The following ENPEP variants were observed in gnomAD, a reference collection of about 807,000 sequenced individuals.
ENPEP encodes the protein AP-A.
In ENPEP, 103 loss-of-function variants were observed where a neutral mutation model predicts 114.5. The ratio of observed to expected loss-of-function variants is 0.90; its 90% CI spans 0.77 to 1.06. The LOEUF (loss-of-function observed/expected upper bound fraction) is 1.06. Among genes scored for constraint, ENPEP ranks in the 50% least tolerant of loss-of-function variants. ENPEP has a pLI of 0.00. For synonymous variants in ENPEP, 420 were observed against 422.0 expected, an observed-to-expected ratio of 1.00 and a Z score of 0.06; for missense variants, 1,196 against 1,161.3, an observed-to-expected ratio of 1.03 and a Z score of -0.43.
chr4:110,500,184 T>A (rs972323446), intron 3 of ENPEP: 5 of 152,202 alleles, frequency 3.3e-5, no homozygotes, highest in African/African-American at 1.2e-4. Context: ...AGGAATCGAT[T>A]CTCATGGACT....
chr4:110,523,543 G>A (rs769406129), intron 10 of ENPEP, among the ~76,000 whole-genome samples: 9 of 152,290 alleles, frequency 5.9e-5, no homozygotes, highest in Admixed American at 3.3e-4. Flanking sequence ...GGACCATGGT[G>A]TAAGAAATAG....
At chr4:110,477,286 G>T (rs1209728394) in intron 1 of ENPEP, among the ~76,000 whole-genome samples, 1 of 152,176 alleles carries the variant, frequency 6.6e-6, no homozygotes, top group Non-Finnish European at 1.5e-5. Flanking sequence ...AGAGTCAAAA[G>T]TCAGTGTAAG....
Position 110,476,209 on chromosome 4 carries a change from C to T in ENPEP, c.-206C>T. ...CTTACGGAGTCCTCATTCCACCCCC[C>T]TTGTTTCCGCATTCATCCTGAGTGG... On this transcript the variant is annotated 5_prime_UTR_variant, in exon 1 of 20. Transcript: ENST00000265162. 1.7e-6 allele frequency: 1 copy of T among 575,018 alleles called. No individual in the cohort carries two copies. The highest frequency in any genetic ancestry group is 2.9e-6 in the Non-Finnish European group (1 of 344,316). The allele number at this position is 575,018 out of a possible 1,614,324, so 35.6% of individuals were successfully genotyped here. A position where few individuals can be genotyped will look rare whatever the true frequency, so the allele number is the denominator to read the frequency against.
chr4:110,478,724 C>CCACTTTTTTT (rs1724202458), intron 1 of ENPEP, among the ~76,000 whole-genome samples: 1 of 152,188 alleles, frequency 6.6e-6, no homozygotes. Flanking sequence ...TAGGCATGAG[C>CCACTTTTTTT]CACTGCACAC....
intron 3 of ENPEP, among the ~76,000 whole-genome samples, chr4:110,505,506 T>G (rs1725340337): frequency 6.6e-6 from 1 of 152,240 alleles, no homozygotes; most frequent in African/African-American, 2.4e-5. Context: ...TCGTGAATCA[T>G]TCCAGTGTTC....
At chr4:110,555,946 C>T (rs1163454870) in intron 18 of ENPEP, among the ~76,000 whole-genome samples, 2 of 151,588 alleles carry the variant, frequency 1.3e-5, no homozygotes, top group African/African-American at 4.8e-5. Context: ...ATATTAGTTT[C>T]CTGGGGTGTA....
chr4:110,476,269 C>CA lies in ENPEP; in HGVS notation c.-144dup. 1.0e-6 allele frequency: 1 copy of CA among 977,690 alleles called. No individual in the cohort carries two copies. The highest frequency in any genetic ancestry group is 1.5e-6 in the Non-Finnish European group (1 of 684,908). The allele number at this position is 977,690 out of a possible 1,614,324, so 60.6% of individuals were successfully genotyped here. ...ACGTGAAAAGGGAGAGGAAAAGGCG[C>CA]AAGAAGCCAGAGAGAGGGGTGTGGG... is the stretch of plus-strand genomic sequence containing the variant. On this transcript the variant is annotated 5_prime_UTR_variant, in exon 1 of 20. Coordinates refer to ENST00000265162, the MANE Select transcript of ENPEP (RefSeq NM_001977.4).
chr4:110,513,911 A>G (rs772985140), intron 7 of ENPEP, among the ~76,000 whole-genome samples: 49 of 152,166 alleles, frequency 3.2e-4, no homozygotes, highest in Non-Finnish European at 6.2e-4. Context: ...AATGCTGTAT[A>G]TGTGCACAGC....
At chr4:110,523,958 T>C (rs1384968798) in intron 10 of ENPEP, among the ~76,000 whole-genome samples, 1 of 152,184 alleles carries the variant, frequency 6.6e-6, no homozygotes, top group Non-Finnish European at 1.5e-5. Context: ...CTCCAGTGGA[T>C]ATCCTCATTT....
intron 10 of ENPEP, among the ~76,000 whole-genome samples, chr4:110,527,081 A>G (rs1017669515): frequency 6.6e-6 from 1 of 152,138 alleles, no homozygotes; most frequent in Non-Finnish European, 1.5e-5. Context: ...CTGGATTACA[A>G]TTCAGGGCTT....
intron 3 of ENPEP, among the ~76,000 whole-genome samples, chr4:110,494,616 G>A (rs1401725945): frequency 6.6e-6 from 1 of 152,108 alleles, no homozygotes; most frequent in Non-Finnish European, 1.5e-5. Flanking sequence ...ATTCTTAATA[G>A]TTTAGTTGGA....
At chr4:110,520,750 A>G (rs1725958371) in intron 10 of ENPEP, among the ~76,000 whole-genome samples, 1 of 152,180 alleles carries the variant, frequency 6.6e-6, no homozygotes, top group South Asian at 2.1e-4. Flanking sequence ...CTATCCCTAG[A>G]CAGGTTCTAG....
At chr4:110,557,691 C>T (rs938585319) in intron 18 of ENPEP, among the ~76,000 whole-genome samples, 1 of 152,138 alleles carries the variant, frequency 6.6e-6, no homozygotes, top group Non-Finnish European at 1.5e-5. Flanking sequence ...CCAGAAAGTA[C>T]ACACTTTTAG....
intron 11 of ENPEP, among the ~76,000 whole-genome samples, chr4:110,532,290 G>A (rs1726436830): frequency 6.6e-6 from 1 of 152,078 alleles, no homozygotes; most frequent in African/African-American, 2.4e-5. Flanking sequence ...CCAGCCCTAA[G>A]CAACCACTAA....
intron 18 of ENPEP, 109 bp from the exon 19 acceptor site, chr4:110,559,538 T>G (rs926745902): frequency 1.9e-5 from 15 of 788,580 alleles, no homozygotes; most frequent in Non-Finnish European, 1.9e-5. Flanking sequence ...TTGCTTACTT[T>G]GAAAGTTACT....
intron 3 of ENPEP, among the ~76,000 whole-genome samples, chr4:110,496,585 C>T (rs1313727527): frequency 6.6e-6 from 1 of 152,182 alleles, no homozygotes; most frequent in African/African-American, 2.4e-5. Context: ...GATGATACAT[C>T]TACATTATAC....
chr4:110,489,972 G>A (rs749807567), intron 2 of ENPEP, among the ~76,000 whole-genome samples: 16 of 152,162 alleles, frequency 1.1e-4, no homozygotes, highest in Non-Finnish European at 1.9e-4. Flanking sequence ...CCATGCCTCA[G>A]TGAGAATTAA....
chr4:110,519,977 T>A (rs1231862661), intron 8 of ENPEP, 31 bp from the exon 9 acceptor site: 1 of 1,595,852 alleles, frequency 6.3e-7, no homozygotes, highest in South Asian at 1.1e-5. Context: ...AAACATTGAC[T>A]TCTAACATGC....
chr4:110,484,776 A>ATC (rs1724443080), intron 1 of ENPEP, among the ~76,000 whole-genome samples: 1 of 147,300 alleles, frequency 6.8e-6, no homozygotes, highest in Non-Finnish European at 1.5e-5. Context: ...TATATTATAT[A>ATC]TATATATATT....
Sources: allele counts gnomAD v4.1 joint callset (sites outside exome capture counted in the v4.1 genomes callset), GRCh38; gene constraint gnomAD v4.1.1; transcripts MANE v1.5; gene names NCBI Gene and HGNC (gene_info 2026-07-23, HGNC 2026-07-21).